Variants in CUL4A observed in about 807,000 individuals in gnomAD.
CUL4A encodes the protein cullin-4A.
CUL4A carries 16 observed loss-of-function variants against 95.5 expected under a neutral mutation model. The ratio of observed to expected loss-of-function variants is 0.17; its 90% CI spans 0.11 to 0.25. CUL4A has a LOEUF of 0.25. CUL4A is among the 10% of genes least tolerant of loss of function. CUL4A has a pLI of 1.00. For synonymous variants in CUL4A, 380 were observed against 353.1 expected, an observed-to-expected ratio of 1.08 and a Z score of -0.85; for missense variants, 610 against 937.0, an observed-to-expected ratio of 0.65 and a Z score of 4.56.
chr13:113,237,695 G>A (rs987112667), intron 9 of CUL4A, among the ~76,000 whole-genome samples: 2 of 152,148 alleles, frequency 1.3e-5, no homozygotes, highest in African/African-American at 4.8e-5. Flanking sequence ...TGGAAAATAC[G>A]AGACTTTTTT....
rs773008356 is a variant in CUL4A, at chr13:113,266,531, A to G, written c.*2949A>G. ...GCGGATTCTAAAGTTAAAACAGAAAAGCAAATATGCCAGACTAGTCAAATT... is the reference window on the plus strand; with the variant it reads ...GCGGATTCTAAAGTTAAAACAGAAAGGCAAATATGCCAGACTAGTCAAATT... On this transcript the variant is annotated 3_prime_UTR_variant, in exon 20 of 20. Coordinates refer to ENST00000375440, the MANE Select transcript of CUL4A (RefSeq NM_001008895.4). The G allele has an allele frequency of 5.3e-5, 8 of 152,256 alleles. No homozygotes were observed. Among genetic ancestry groups the G allele is most frequent in the African/African-American group, 9.6e-5 (4 of 41,468 alleles). 9.4% of individuals were successfully genotyped at this position (152,256 alleles called of 1,614,324 possible). A position where few individuals can be genotyped will look rare whatever the true frequency, so the allele number is the denominator to read the frequency against.
rs2042389831 is a variant in CUL4A at position 113,265,910 on chromosome 13, G to A, written c.*2328G>A. ...GTTGCATACCCAGGTCATCTAAGGA[G>A]CAAATGAAAATCTGTGACTGAAGAA... On this transcript the variant is annotated 3_prime_UTR_variant, in exon 20 of 20. Transcript: ENST00000375440. 6.6e-6 allele frequency: 1 copy of A among 152,182 alleles called. No homozygotes were observed. The highest frequency in any genetic ancestry group is 2.4e-5 in the African/African-American group (1 of 41,462). The allele number at this position is 152,182 out of a possible 1,614,324, so 9.4% of individuals were successfully genotyped here.
intron 8 of CUL4A, among the ~76,000 whole-genome samples, chr13:113,236,312 C>G (rs959377423): frequency 2.2e-4 from 34 of 151,920 alleles, no homozygotes; most frequent in Non-Finnish European, 4.6e-4. Context: ...AGAAGAGCAG[C>G]CCCCGGGAGA....
chr13:113,231,950 A>G lies in CUL4A; in HGVS notation c.513-1227A>G, dbSNP rs79146990. Among the ~76,000 whole-genome samples the G allele has an allele frequency of 3.8e-4, 57 of 151,166 alleles. 1 individual carries two copies. In the East Asian group the frequency reaches 0.01, roughly 27 times the overall value. ...ACCCACCACTGCGGCTGCTGCCACC[A>G]CTGCCACCATAATATTATTAATAAT... is the stretch of plus-strand genomic sequence containing the variant. On this transcript the variant is annotated intron_variant, in intron 5 of 19. Coordinates refer to ENST00000375440, the MANE Select transcript of CUL4A (RefSeq NM_001008895.4).
chr13:113,229,302 GA>G (rs1169217241), intron 4 of CUL4A, 143 bp from the exon 5 acceptor site: 193 of 612,290 alleles, frequency 3.2e-4, no homozygotes, highest in South Asian at 5.8e-4. Flanking sequence ...ATTAACTTTA[GA>G]AAAAAAAAAT....
intron 11 of CUL4A, among the ~76,000 whole-genome samples, chr13:113,243,583 G>A (rs1414899014): frequency 2.0e-5 from 3 of 151,724 alleles, no homozygotes; most frequent in African/African-American, 7.3e-5. Flanking sequence ...TCTCTAGTCA[G>A]TAAAATTTTT....
chr13:113,247,196 C>G (rs1016374997), intron 15 of CUL4A, among the ~76,000 whole-genome samples: 2 of 152,154 alleles, frequency 1.3e-5, no homozygotes, highest in African/African-American at 4.8e-5. Flanking sequence ...GATCCACCCC[C>G]ATGACCCAAA....
rs536494801 is a variant in CUL4A at position 113,217,535 on chromosome 13, T to G, written c.265-1410T>G. Among the ~76,000 whole-genome samples the G allele has an allele frequency of 1.7e-3, 262 of 152,318 alleles. 2 individuals are homozygous for G. The highest frequency in any genetic ancestry group is 6.1e-3 in the African/African-American group (252 of 41,560). On this transcript the variant is annotated intron_variant, in intron 2 of 19. Coordinates refer to ENST00000375440, the MANE Select transcript of CUL4A (RefSeq NM_001008895.4). ...TTGATCTTTGTAAATATGCATGTAT[T>G]TTATATGGTAGTAATCACTGTATGT... is the stretch of plus-strand genomic sequence containing the variant.
At chr13:113,231,841 G>A (rs1281947685) in intron 5 of CUL4A, among the ~76,000 whole-genome samples, 1 of 152,122 alleles carries the variant, frequency 6.6e-6, no homozygotes, top group Non-Finnish European at 1.5e-5. Flanking sequence ...AACAGGAGAG[G>A]CCCATGGTGA....
In CUL4A at chr13:113,217,559, G is replaced by T. The variant is rs573033362; in HGVS notation, c.265-1386G>T. On this transcript the variant is annotated intron_variant, in intron 2 of 19. Coordinates refer to ENST00000375440, the MANE Select transcript of CUL4A (RefSeq NM_001008895.4). ...TTTTATATGGTAGTAATCACTGTAT[G>T]TATTTAACTTTGGTTAATATGTAGC... Among the ~76,000 whole-genome samples, 28 of 152,248 alleles carry T rather than the reference G, an allele frequency of 1.8e-4. No individual in the cohort carries two copies. In the South Asian group the frequency reaches 2.7e-3, roughly 15 times the overall value.
At position 113,232,247 on chromosome 13, in the gene CUL4A, ACTG is replaced by A. The variant is rs368843271; in HGVS notation, c.513-925_513-923del. On this transcript the variant is annotated intron_variant, in intron 5 of 19. Coordinates refer to ENST00000375440, the MANE Select transcript of CUL4A (RefSeq NM_001008895.4). ...CCACCACTACCCGCCCACCACCATT[ACTG>A]CTGCCACCACTACCCGCCCACCACT... Among the ~76,000 whole-genome samples, 6 of 1,218 alleles carry A rather than the reference ACTG, an allele frequency of 4.9e-3. 3 individuals are homozygous for A. The highest frequency in any genetic ancestry group is 7.0e-3 in the African/African-American group (6 of 856). 0.8% of individuals were successfully genotyped at this position (1,218 alleles called of 152,430 possible). A position where few individuals can be genotyped will look rare whatever the true frequency, so the allele number is the denominator to read the frequency against.
Position 113,254,108 on chromosome 13 carries a change from G to C in CUL4A, c.1753-585G>C, listed in dbSNP as rs201587971. Among the ~76,000 whole-genome samples, 22 of 152,228 alleles carry C rather than the reference G, an allele frequency of 1.4e-4. No homozygotes were observed. The East Asian group carries it at 3.5e-3, about 24-fold the overall frequency. ...CCACCAACTGCAGCTCTCTCCAGGT[G>C]TGCAGGAAGGGCTTGTTATGGGCTT... On this transcript the variant is annotated intron_variant, in intron 16 of 19. Transcript: ENST00000375440.
At chr13:113,248,342 C>G (rs1009077007) in intron 15 of CUL4A, among the ~76,000 whole-genome samples, 5 of 152,054 alleles carry the variant, frequency 3.3e-5, no homozygotes, top group African/African-American at 1.2e-4. Flanking sequence ...ATTTATTTCT[C>G]TCTCTTTATA....
chr13:113,260,525 A>G (rs2042249188), intron 18 of CUL4A, 82 bp from the exon 19 acceptor site: 1 of 1,277,086 alleles, frequency 7.8e-7, no homozygotes, highest in South Asian at 1.4e-5. Flanking sequence ...ACTCTAGCCC[A>G]GGCAACTGAG....
intron 3 of CUL4A, among the ~76,000 whole-genome samples, chr13:113,226,972 C>G (rs1161770171): frequency 1.3e-5 from 2 of 152,196 alleles, no homozygotes; most frequent in Non-Finnish European, 2.9e-5. Flanking sequence ...TTTTGTCCCG[C>G]CACCTACCCC....
At chr13:113,263,401 C>T (rs2042340678) in intron 19 of CUL4A, 86 bp from the exon 20 acceptor site, 2 of 538,754 alleles carry the variant, frequency 3.7e-6, no homozygotes, top group African/African-American at 2.0e-5. Flanking sequence ...AGTATAGTTA[C>T]ATACTTCATG....
At chr13:113,226,623 T>C (rs1486585012) in intron 3 of CUL4A, among the ~76,000 whole-genome samples, 1 of 152,210 alleles carries the variant, frequency 6.6e-6, no homozygotes, top group Admixed American at 6.5e-5. Context: ...AAAATACACA[T>C]TCTAAGAGTC....
rs572076997 is a variant in CUL4A at position 113,224,497 on chromosome 13, C to G, written c.369-3479C>G. Among the ~76,000 whole-genome samples the G allele has an allele frequency of 3.3e-5, 5 of 152,344 alleles. No individual in the cohort carries two copies. In the South Asian group the frequency reaches 1.0e-3, roughly 32 times the overall value. On this transcript the variant is annotated intron_variant, in intron 3 of 19. Transcript: ENST00000375440. Reference sequence around the variant, plus strand: ...CAGAATGCCAGGCAGTGGTGGACACCATGATAGCCGTGTGGTCAGAAGGGA... The same window carrying G: ...CAGAATGCCAGGCAGTGGTGGACACGATGATAGCCGTGTGGTCAGAAGGGA...
chr13:113,240,180 G>A (rs968985613), intron 10 of CUL4A, among the ~76,000 whole-genome samples: 17 of 152,068 alleles, frequency 1.1e-4, no homozygotes, highest in African/African-American at 3.9e-4. Context: ...TCGGCCCAGG[G>A]CACCACCCCA....
Sources: allele counts gnomAD v4.1 joint callset (sites outside exome capture counted in the v4.1 genomes callset), GRCh38; gene constraint gnomAD v4.1.1; transcripts MANE v1.5; gene names NCBI Gene and HGNC (gene_info 2026-07-23, HGNC 2026-07-21).